Variants in UBAP2 observed in about 807,000 individuals in gnomAD.
The protein encoded by UBAP2 is ubiquitin-associated protein 2.
In UBAP2, 75 loss-of-function variants were observed where a neutral mutation model predicts 139.6. The observed-to-expected ratio is 0.54, with a 90% CI of 0.45 to 0.65. The LOEUF (loss-of-function observed/expected upper bound fraction) is 0.65. UBAP2 is among the 30% of genes least tolerant of loss of function. The probability of loss-of-function intolerance (pLI) is 0.00; values close to 1 mark genes in which losing one functional copy is unlikely to be tolerated. For missense variants in UBAP2, 1,368 were observed against 1,369.6 expected (o/e 1.00, Z 0.02); for synonymous variants, 526 against 526.2 (o/e 1.00, Z 0.01).
At chr9:33,962,303 C>A (rs1827107882) in intron 9 of UBAP2, among the ~76,000 whole-genome samples, 1 of 152,128 alleles carries the variant, frequency 6.6e-6, no homozygotes, top group Non-Finnish European at 1.5e-5. Flanking sequence ...GACTTTTATA[C>A]ATGATATGTA....
intron 4 of UBAP2, among the ~76,000 whole-genome samples, chr9:33,990,667 ACT>A (rs917060415): frequency 8.1e-5 from 11 of 135,426 alleles, no homozygotes; most frequent in African/African-American, 2.8e-4. Context: ...ACAGAGTCTC[ACT>A]CTGTCACCCA....
chr9:33,933,751 A>G, intron 17 of UBAP2, 123 bp from the exon 18 acceptor site: 1 of 1,389,324 alleles, frequency 7.2e-7, no homozygotes, highest in Non-Finnish European at 9.7e-7. Context: ...CCATAAAGTT[A>G]CATTCCCCAG....
At chr9:34,045,327 C>T (rs1332322139) in intron 1 of UBAP2, among the ~76,000 whole-genome samples, 6 of 143,448 alleles carry the variant, frequency 4.2e-5, no homozygotes. Flanking sequence ...ATTTGGGCAA[C>T]AGTGAGACTG....
chr9:34,045,434 A>G (rs1490189816), intron 1 of UBAP2, among the ~76,000 whole-genome samples: 1 of 151,170 alleles, frequency 6.6e-6, no homozygotes, highest in Non-Finnish European at 1.5e-5. Flanking sequence ...ATGAAGTCCA[A>G]TGGCACATGG....
intron 2 of UBAP2, among the ~76,000 whole-genome samples, chr9:34,004,902 G>A (rs1254782276): frequency 6.6e-6 from 1 of 151,952 alleles, no homozygotes; most frequent in African/African-American, 2.4e-5. Flanking sequence ...GCAACATAGT[G>A]AGACCCCCAT....
chr9:34,045,133 G>A (rs1342238125), intron 1 of UBAP2, among the ~76,000 whole-genome samples: 2 of 151,970 alleles, frequency 1.3e-5, no homozygotes, highest in Non-Finnish European at 2.9e-5. Context: ...GGATCACGAG[G>A]TTAGGAGATC....
Position 34,009,885 on chromosome 9 carries a change from G to A in UBAP2, c.99+7165C>T, listed in dbSNP as rs146413745. On this transcript the variant is annotated intron_variant, in intron 2 of 28. Coordinates refer to ENST00000379238, the MANE Select transcript of UBAP2 (RefSeq NM_001370062.2). Reference sequence around the variant, plus strand: ...TACAATGGTGGGATCTCTGCTCATCGCAACTTCCGCCTCCTGGGTTCAAGA... The same window carrying A: ...TACAATGGTGGGATCTCTGCTCATCACAACTTCCGCCTCCTGGGTTCAAGA... 4.8e-5 allele frequency among the ~76,000 whole-genome samples: 7 copies of A among 145,262 alleles called. No individual in the cohort carries two copies. In the East Asian group the frequency reaches 6.1e-4, roughly 13 times the overall value.
At chr9:34,023,669 GAA>G (rs1271542418) in intron 1 of UBAP2, among the ~76,000 whole-genome samples, 1 of 152,114 alleles carries the variant, frequency 6.6e-6, no homozygotes. Flanking sequence ...TTATTGTTTG[GAA>G]AAAGTTTTTC....
At chr9:33,924,142 C>T (rs1823205947) in intron 23 of UBAP2, 64 bp downstream of exon 23, 19 of 1,598,934 alleles carry the variant, frequency 1.2e-5, no homozygotes, top group Non-Finnish European at 1.5e-5. Context: ...GTTGCTGCTT[C>T]CCAGCTCCTG....
At chr9:34,040,762 T>A (rs1448004211) in intron 1 of UBAP2, among the ~76,000 whole-genome samples, 1 of 152,228 alleles carries the variant, frequency 6.6e-6, no homozygotes, top group Non-Finnish European at 1.5e-5. Flanking sequence ...TTCCCAATTC[T>A]TAGGGCATCC....
Position 33,935,849 on chromosome 9 carries a change from C to T in UBAP2, c.1959G>A (p.Gln653=). Residue 653 remains glutamine (Q), a synonymous_variant, in exon 17 of 29, where the codon CAG becomes CAA. Transcript: ENST00000379238. ...MNGHGGGRSQ[Q]TLDTPKTTGP... ...TGCTGCTATACTTACTGTCTAGTGT[C>T]TGCTGACTTCGACCACCACCATGTC... 4 of 1,613,768 alleles carry T rather than the reference C, an allele frequency of 2.5e-6. No homozygotes were observed. The South Asian group carries it at 4.4e-5, about 18-fold the overall frequency.
chr9:33,945,517 T>A (rs1367303428), intron 13 of UBAP2, among the ~76,000 whole-genome samples: 1 of 150,154 alleles, frequency 6.7e-6, no homozygotes, highest in Non-Finnish European at 1.5e-5. Flanking sequence ...AAAAACAAAA[T>A]CCAATAGATA....
chr9:33,970,538 T>G (rs1289157427), intron 8 of UBAP2, among the ~76,000 whole-genome samples: 1 of 151,410 alleles, frequency 6.6e-6, no homozygotes, highest in Admixed American at 6.6e-5. Context: ...CAAGTGACAC[T>G]CCCCACTTCA....
In UBAP2 at chr9:33,981,938, A is replaced by C. The variant is rs1308330282; in HGVS notation, c.520+4822T>G. On this transcript the variant is annotated intron_variant, in intron 6 of 28. Coordinates refer to ENST00000379238, the MANE Select transcript of UBAP2 (RefSeq NM_001370062.2). ...TCAGAATCATAGTAATTTTCACATT[A>C]TCTCTATGAAATGGAAAACTTCTCT... is the stretch of plus-strand genomic sequence containing the variant. Among the ~76,000 whole-genome samples the C allele has an allele frequency of 2.6e-5, 4 of 152,282 alleles. No homozygotes were observed. In the East Asian group the frequency reaches 7.7e-4, roughly 29 times the overall value.
At chr9:33,942,742 G>A (rs371406239) in intron 15 of UBAP2, among the ~76,000 whole-genome samples, 10,444 of 147,562 alleles carry the variant, frequency 0.071, 581 homozygotes, top group Non-Finnish European at 0.11. Flanking sequence ...AAAAAAAAAA[G>A]AAAAGAAAAG....
In UBAP2 at chr9:33,960,730, A is replaced by G. The variant is rs1426333572; in HGVS notation, c.798+96T>C. On this transcript the variant is annotated intron_variant, in intron 10 of 28. Transcript: ENST00000379238. Reference sequence around the variant, plus strand: ...GGGAGGCAGAGGTTGCAATGAGCCAAGATCACGCCATTGCATTCCAGCCTG... The same window carrying G: ...GGGAGGCAGAGGTTGCAATGAGCCAGGATCACGCCATTGCATTCCAGCCTG... 4.0e-6 allele frequency: 5 copies of G among 1,237,762 alleles called. No individual in the cohort carries two copies. In the African/African-American group the frequency reaches 4.5e-5, roughly 11 times the overall value. The allele number at this position is 1,237,762 out of a possible 1,614,324, so 76.7% of individuals were successfully genotyped here.
intron 1 of UBAP2, among the ~76,000 whole-genome samples, chr9:34,033,630 C>T (rs1160024425): frequency 1.3e-5 from 2 of 151,614 alleles, no homozygotes; most frequent in Admixed American, 6.6e-5. Flanking sequence ...CAGGCTGAAG[C>T]GCAGTGGTGC....
intron 12 of UBAP2, among the ~76,000 whole-genome samples, chr9:33,952,239 C>T (rs772112514): frequency 6.6e-6 from 1 of 152,158 alleles, no homozygotes. Flanking sequence ...CTTCCCCTTG[C>T]CAGCTCAGAA....
intron 19 of UBAP2, among the ~76,000 whole-genome samples, chr9:33,929,595 A>C (rs1325259586): frequency 6.6e-6 from 1 of 152,236 alleles, no homozygotes; most frequent in Non-Finnish European, 1.5e-5. Context: ...TATGTAAAAA[A>C]AAATCATAAA....
Sources: gnomAD v4.1 joint callset for allele counts (sites outside exome capture counted in the v4.1 genomes callset) on GRCh38, gnomAD v4.1.1 for gene constraint, MANE v1.5 for transcripts, NCBI Gene and HGNC (gene_info 2026-07-23, HGNC 2026-07-21) for gene names.